The following MAML3 variants were observed in gnomAD, a reference collection of about 807,000 sequenced individuals.
MAML3 encodes the protein mastermind-like protein 3.
A neutral mutation model predicts 101.9 loss-of-function variants in MAML3; 27 were observed. The observed-to-expected ratio is 0.27, with a 90% CI of 0.20 to 0.37. The LOEUF is 0.37. Among genes scored for constraint, MAML3 ranks in the 10% least tolerant of loss-of-function variants. The pLI, the probability that MAML3 is intolerant of heterozygous loss-of-function variation, is 1.00. For synonymous variants in MAML3, 501 were observed against 555.9 expected (o/e 0.90, Z 1.39); for missense variants, 1,316 against 1,444.9 (o/e 0.91, Z 1.45).
At chr4:139,975,033 A>G (rs1361733110) in intron 1 of MAML3, among the ~76,000 whole-genome samples, 1 of 152,064 alleles carries the variant, frequency 6.6e-6, no homozygotes, top group Non-Finnish European at 1.5e-5. Context: ...AGGGGAAGTG[A>G]TATGACGACT....
At chr4:140,020,592 T>C (rs997608989) in intron 1 of MAML3, among the ~76,000 whole-genome samples, 2 of 152,156 alleles carry the variant, frequency 1.3e-5, no homozygotes. Flanking sequence ...ACTCTCTTTG[T>C]TTAGGGTTTA....
chr4:139,794,618 T>C (rs1457345935), intron 2 of MAML3, among the ~76,000 whole-genome samples: 1 of 152,198 alleles, frequency 6.6e-6, no homozygotes, highest in African/African-American at 2.4e-5. Flanking sequence ...GCCTGCAAAT[T>C]TGGGCTTTTA....
At chr4:139,995,038 CT>C (rs1734779456) in intron 1 of MAML3, among the ~76,000 whole-genome samples, 1 of 151,948 alleles carries the variant, frequency 6.6e-6, no homozygotes, top group Non-Finnish European at 1.5e-5. Context: ...TATAGATGTC[CT>C]TTATCGGGAT....
At chr4:139,862,724 A>C (rs1731806549) in intron 2 of MAML3, among the ~76,000 whole-genome samples, 1 of 152,174 alleles carries the variant, frequency 6.6e-6, no homozygotes, top group South Asian at 2.1e-4. Flanking sequence ...TAAGTCAATG[A>C]ATACCCATAT....
chr4:140,008,242 G>C (rs1420872790), intron 1 of MAML3, among the ~76,000 whole-genome samples: 2 of 152,196 alleles, frequency 1.3e-5, no homozygotes, highest in East Asian at 3.9e-4. Context: ...AGCTACTCGG[G>C]AAGCTGAGGC....
rs79487643 is a variant in MAML3 at position 139,727,086 on chromosome 4, C to T, written c.2332-1251G>A. ...ATAACACACACTGACCACCTCTTAACGCCTGTGTTTATTTCAATTTTTTCT... is the reference window on the plus strand; with the variant it reads ...ATAACACACACTGACCACCTCTTAATGCCTGTGTTTATTTCAATTTTTTCT... On this transcript the variant is annotated intron_variant, in intron 3 of 4. Transcript: ENST00000509479. Among the ~76,000 whole-genome samples, 294 of 152,274 alleles carry T rather than the reference C, an allele frequency of 1.9e-3. 7 individuals are homozygous for T. The East Asian group carries it at 0.042, about 22-fold the overall frequency.
At chr4:139,787,104 C>A (rs1189478604) in intron 2 of MAML3, among the ~76,000 whole-genome samples, 2 of 152,224 alleles carry the variant, frequency 1.3e-5, no homozygotes, top group Admixed American at 1.3e-4. Context: ...TCAGCTTTCC[C>A]TTCCCGGCTG....
intron 1 of MAML3, among the ~76,000 whole-genome samples, chr4:139,906,552 G>A (rs937428760): frequency 6.6e-6 from 1 of 152,222 alleles, no homozygotes; most frequent in Non-Finnish European, 1.5e-5. Flanking sequence ...GGAAGAACAA[G>A]GAATGATGGT....
chr4:139,981,642 C>A (rs985286584), intron 1 of MAML3, among the ~76,000 whole-genome samples: 1 of 152,154 alleles, frequency 6.6e-6, no homozygotes, highest in African/African-American at 2.4e-5. Flanking sequence ...GTTTTAGGAT[C>A]TCATCCAAGA....
chr4:139,826,876 A>G (rs1029945966), intron 2 of MAML3, among the ~76,000 whole-genome samples: 3 of 152,206 alleles, frequency 2.0e-5, no homozygotes, highest in Non-Finnish European at 2.9e-5. Context: ...AAAATAATCA[A>G]AAGAACGCCA....
intron 1 of MAML3, among the ~76,000 whole-genome samples, chr4:140,048,241 A>G (rs1356440240): frequency 6.6e-6 from 1 of 152,218 alleles, no homozygotes; most frequent in Non-Finnish European, 1.5e-5. Flanking sequence ...AAGGATGAAT[A>G]TCATTCTTTT....
chr4:139,970,975 C>T (rs28758562), intron 1 of MAML3, among the ~76,000 whole-genome samples: 3,643 of 152,176 alleles, frequency 0.024, 146 homozygotes, highest in African/African-American at 0.081. Flanking sequence ...AATAAAAAAT[C>T]CAAATTTCCT....
At chr4:139,868,635 G>T (rs961937132) in intron 2 of MAML3, among the ~76,000 whole-genome samples, 9 of 152,286 alleles carry the variant, frequency 5.9e-5, no homozygotes, top group Admixed American at 5.2e-4. Context: ...ATAAATGGAG[G>T]TAATAATACC....
At position 139,925,554 on chromosome 4, in the gene MAML3, T is replaced by TCCCC. The variant is rs1263177357; in HGVS notation, c.469-34588_469-34587insGGGG. Among the ~76,000 whole-genome samples the TCCCC allele has an allele frequency of 5.9e-5, 9 of 151,874 alleles. 1 individual carries two copies. The highest frequency in any genetic ancestry group is 1.2e-4 in the Non-Finnish European group (8 of 67,966). On this transcript the variant is annotated intron_variant, in intron 1 of 4. Transcript: ENST00000509479. ...CCCAGTCCCTGTACTCTTGATAAGA[T>TCCCC]AAAGTGGCCAAAAAAAACAAGGTGT... is the stretch of plus-strand genomic sequence containing the variant.
intron 2 of MAML3, among the ~76,000 whole-genome samples, chr4:139,807,080 C>CG (rs1371533797): frequency 6.6e-6 from 1 of 152,130 alleles, no homozygotes; most frequent in Non-Finnish European, 1.5e-5. Context: ...AGACAATATA[C>CG]GTTCAGTGGC....
chr4:139,780,583 A>G (rs1730180662), intron 2 of MAML3, among the ~76,000 whole-genome samples: 1 of 149,142 alleles, frequency 6.7e-6, no homozygotes, highest in African/African-American at 2.5e-5. Flanking sequence ...TATTGTCTAC[A>G]TGTGGCTGTG....
chr4:140,060,639 CT>C (rs1727432040), intron 1 of MAML3, among the ~76,000 whole-genome samples: 1 of 151,994 alleles, frequency 6.6e-6, no homozygotes, highest in South Asian at 2.1e-4. Flanking sequence ...CGGATTTCTC[CT>C]ACAAAGAGTG....
chr4:139,894,640 A>G (rs1732571376), intron 1 of MAML3, among the ~76,000 whole-genome samples: 3 of 152,210 alleles, frequency 2.0e-5, no homozygotes, highest in Admixed American at 6.5e-5. Flanking sequence ...TATTTTTACA[A>G]CATCAAACAC....
At chr4:139,916,563 G>C (rs1386921402) in intron 1 of MAML3, among the ~76,000 whole-genome samples, 1 of 152,164 alleles carries the variant, frequency 6.6e-6, no homozygotes, top group East Asian at 1.9e-4. Flanking sequence ...AATCCTGCTC[G>C]TAAGCATGTA....
Sources: allele counts gnomAD v4.1 joint callset (sites outside exome capture counted in the v4.1 genomes callset), GRCh38; gene constraint gnomAD v4.1.1; transcripts MANE v1.5; gene names NCBI Gene and HGNC (gene_info 2026-07-23, HGNC 2026-07-21).